Variants in PLAGL1 observed in about 807,000 individuals in gnomAD.
PLAGL1 encodes the protein PLAG1 like zinc finger 1, also known as zinc finger protein PLAGL1.
PLAGL1 carries 1 observed loss-of-function variant against 4.6 expected under a neutral mutation model. That is an observed-to-expected ratio of 0.22 (90% CI 0.08 to 1.03). The LOEUF is 1.03. Ranked by LOEUF, PLAGL1 falls within the 50% of genes least tolerant of loss-of-function variation. The pLI, the probability that PLAGL1 is intolerant of heterozygous loss-of-function variation, is 0.58. For missense variants in PLAGL1, 464 were observed against 570.4 expected (o/e 0.81, Z 1.90); for synonymous variants, 240 against 237.8 (o/e 1.01, Z -0.08).
In PLAGL1 at chr6:144,050,161, G is replaced by GT. The variant is rs1403000620; in HGVS notation, c.-151+14306dup. 6.6e-6 allele frequency among the ~76,000 whole-genome samples: 1 copy of GT among 152,158 alleles called. No individual in the cohort carries two copies. The highest frequency in any genetic ancestry group is 1.5e-5 in the Non-Finnish European group (1 of 68,034). On this transcript the variant is annotated intron_variant, in intron 1 of 3. Coordinates refer to the PLAGL1 transcript ENST00000437412. The surrounding 1 kb of genome is among the most constrained non-coding windows in gnomAD (Gnocchi z 4.3). ...CTCAAAATATTTATGTGTCTGGTGA[G>GT]TTTTGAGGGAAATTGAGACCACCTA...
intron 1 of PLAGL1, among the ~76,000 whole-genome samples, chr6:144,051,737 A>G (rs1400734083): frequency 6.6e-6 from 1 of 152,204 alleles, no homozygotes; most frequent in Non-Finnish European, 1.5e-5. Context: ...CATGTCTTAC[A>G]TGAATGGTGG....
In PLAGL1 at chr6:143,959,815, A is replaced by G. The variant is rs3819813; in HGVS notation, c.-325+654T>C. On this transcript the variant is annotated intron_variant, in intron 6 of 7. Coordinates refer to ENST00000674357, the MANE Select transcript of PLAGL1 (RefSeq NM_001317162.2). The surrounding 1 kb of genome is among the most constrained non-coding windows in gnomAD (Gnocchi z 5.3). ...GAGTGCCCCAAAGGCATTAGCTTCT[A>G]TTAATATCATTACTGGTGATGATGA... is the stretch of plus-strand genomic sequence containing the variant. Among the ~76,000 whole-genome samples the G allele has an allele frequency of 2.2e-4, 34 of 152,362 alleles. No homozygotes were observed. The East Asian group carries it at 6.0e-3, about 27-fold the overall frequency.
At chr6:144,007,178 A>G (rs1794407287) in intron 1 of PLAGL1, 1 of 152,248 alleles carries the variant, frequency 6.6e-6, no homozygotes, top group East Asian at 1.9e-4. Context: ...AGCGTGAAAC[A>G]TCAGAGAACA....
intron 2 of PLAGL1, among the ~76,000 whole-genome samples, chr6:143,977,176 CATT>C (rs1375791133): frequency 1.3e-5 from 2 of 149,030 alleles, no homozygotes; most frequent in African/African-American, 2.4e-5. Context: ...ATTGACACAT[CATT>C]ATCACCCAGA....
At chr6:144,051,630 T>C (rs923707628) in intron 1 of PLAGL1, among the ~76,000 whole-genome samples, 1 of 152,228 alleles carries the variant, frequency 6.6e-6, no homozygotes, top group Admixed American at 6.5e-5. Context: ...ATAACTATGA[T>C]AGATAAGACT....
At chr6:143,996,890 T>C (rs879354730) in intron 1 of PLAGL1, among the ~76,000 whole-genome samples, 2 of 152,202 alleles carry the variant, frequency 1.3e-5, no homozygotes, top group Non-Finnish European at 2.9e-5. Flanking sequence ...TAATTTGAGA[T>C]AGATGATGGA....
chr6:143,949,175 C>G lies in PLAGL1; in HGVS notation c.-324-715G>C, dbSNP rs1464315580. Among the ~76,000 whole-genome samples the G allele has an allele frequency of 1.3e-5, 2 of 152,186 alleles. No individual in the cohort carries two copies. The highest frequency in any genetic ancestry group is 4.8e-5 in the African/African-American group (2 of 41,442). On this transcript the variant is annotated intron_variant, in intron 6 of 7. Coordinates refer to ENST00000674357, the MANE Select transcript of PLAGL1 (RefSeq NM_001317162.2). This position sits in a 1 kb window ranked among gnomAD's most constrained non-coding sequence, Gnocchi z 5.3. ...TTGTTTATGGACCTTTCTTCATTCC[C>G]TGGCCCTACCCTGGAGGGCCCATCC... is the stretch of plus-strand genomic sequence containing the variant.
At position 143,954,861 on chromosome 6, in the gene PLAGL1, T is replaced by G. The variant is rs1163985654; in HGVS notation, c.-325+5608A>C. Among the ~76,000 whole-genome samples the G allele has an allele frequency of 2.0e-5, 3 of 152,220 alleles. No individual in the cohort carries two copies. On this transcript the variant is annotated intron_variant, in intron 6 of 7. Coordinates refer to ENST00000674357, the MANE Select transcript of PLAGL1 (RefSeq NM_001317162.2). This position sits in a 1 kb window ranked among gnomAD's most constrained non-coding sequence, Gnocchi z 5.1. ...AAGATTAGAAAGCCTGGCAAGGTGTTTGATTATAAAAATCAAACTACACAA... is the reference window on the plus strand; with the variant it reads ...AAGATTAGAAAGCCTGGCAAGGTGTGTGATTATAAAAATCAAACTACACAA...
At position 144,027,231 on chromosome 6, in the gene PLAGL1, G is replaced by GAAAGAAAGAA. The variant is rs1264032689; in HGVS notation, c.-151+37236_-151+37237insTTCTTTCTTT. Among the ~76,000 whole-genome samples the GAAAGAAAGAA allele has an allele frequency of 3.8e-3, 347 of 91,776 alleles. 11 individuals carry two copies. The highest frequency in any genetic ancestry group is 0.018 in the African/African-American group (325 of 17,670). The allele number at this position is 91,776 out of a possible 152,430, so 60.2% of individuals were successfully genotyped here. ...AGAGAAAGACCCCAACTCAAAGAAC[G>GAAAGAAAGAA]AACGAAAGAAAGAAAGAAAGAAAGA... On this transcript the variant is annotated intron_variant, in intron 1 of 3. Transcript: ENST00000437412. This position sits in a 1 kb window ranked among gnomAD's most constrained non-coding sequence, Gnocchi z 5.8.
At chr6:144,047,336 C>G (rs2128721894) in intron 1 of PLAGL1, among the ~76,000 whole-genome samples, 1 of 152,306 alleles carries the variant, frequency 6.6e-6, no homozygotes, top group East Asian at 1.9e-4. Flanking sequence ...TTGGAGCGGA[C>G]CATTATTCCA....
rs1799385170 is a variant in PLAGL1, at chr6:144,061,338, CAGG to C, written c.-151+3127_-151+3129del. Among the ~76,000 whole-genome samples, 3 of 152,176 alleles carry C rather than the reference CAGG, an allele frequency of 2.0e-5. No homozygotes were observed. The highest frequency in any genetic ancestry group is 4.4e-5 in the Non-Finnish European group (3 of 68,030). On this transcript the variant is annotated intron_variant, in intron 1 of 3. Coordinates refer to the PLAGL1 transcript ENST00000437412. This position sits in a 1 kb window ranked among gnomAD's most constrained non-coding sequence, Gnocchi z 4.4. ...TTCCAATTTCTTTCTACAACTGGAA[CAGG>C]ACAGTCTATCTGTGCAACCTACCAA... is the stretch of plus-strand genomic sequence containing the variant.
intron 1 of PLAGL1, among the ~76,000 whole-genome samples, chr6:144,023,166 A>C (rs949385888): frequency 3.9e-5 from 6 of 152,234 alleles, no homozygotes; most frequent in African/African-American, 1.4e-4. Flanking sequence ...CCATTCACAT[A>C]ATATTTTGAA....
intron 1 of PLAGL1, among the ~76,000 whole-genome samples, chr6:144,044,506 C>A (rs1797977170): frequency 6.6e-6 from 1 of 152,118 alleles, no homozygotes; most frequent in African/African-American, 2.4e-5. Context: ...GTTTCTTAAT[C>A]CTGAGTTCTA....
In PLAGL1 at chr6:143,963,732, A is replaced by G. The variant is rs1453599339; in HGVS notation, c.-399+1055T>C. 6.6e-6 allele frequency among the ~76,000 whole-genome samples: 1 copy of G among 152,134 alleles called. No individual in the cohort carries two copies. The highest frequency in any genetic ancestry group is 2.4e-5 in the African/African-American group (1 of 41,416). The stretch of plus-strand genomic sequence containing the variant: ...TTGTTCTCAGAGATTAAGCTTTACA[A>G]CTTTATTGTCTCTCAAATCTATTTC... On this transcript the variant is annotated intron_variant, in intron 5 of 7. Transcript: ENST00000674357. The surrounding 1 kb of genome is among the most constrained non-coding windows in gnomAD (Gnocchi z 6.1).
At position 143,945,506 on chromosome 6, in the gene PLAGL1, C is replaced by G. The variant is rs1779556227; in HGVS notation, c.152+2479G>C. Among the ~76,000 whole-genome samples, 1 of 152,106 alleles carries G rather than the reference C, an allele frequency of 6.6e-6. No individual in the cohort carries two copies. Among genetic ancestry groups the G allele is most frequent in the African/African-American group, 2.4e-5 (1 of 41,418 alleles). On this transcript the variant is annotated intron_variant, in intron 7 of 7. Transcript: ENST00000674357. This position sits in a 1 kb window ranked among gnomAD's most constrained non-coding sequence, Gnocchi z 4.2. ...ATCATCCTTTTTTTGAGATGCAGTC[C>G]CACCCTGTCACCAGGCTGAAGTGCA...
intron 6 of PLAGL1, among the ~76,000 whole-genome samples, chr6:143,956,158 AT>A (rs1782079111): frequency 1.3e-5 from 2 of 152,344 alleles, no homozygotes; most frequent in Admixed American, 1.3e-4. Flanking sequence ...GTGGCCTCAT[AT>A]CCTGTCAGTG....
chr6:144,036,232 G>A lies in PLAGL1; in HGVS notation c.-151+28236C>T, dbSNP rs1025811021. 1.3e-5 allele frequency among the ~76,000 whole-genome samples: 2 copies of A among 152,136 alleles called. No individual in the cohort carries two copies. The highest frequency in any genetic ancestry group is 4.8e-5 in the African/African-American group (2 of 41,436). ...TGACAACCACTTCCTCTGACTCTAA[G>A]AACAGTCCATTTAGGCTATTTCATC... On this transcript the variant is annotated intron_variant, in intron 1 of 3. Coordinates refer to the PLAGL1 transcript ENST00000437412. This position sits in a 1 kb window ranked among gnomAD's most constrained non-coding sequence, Gnocchi z 5.1.
chr6:144,044,319 C>G (rs1487669117), intron 1 of PLAGL1, among the ~76,000 whole-genome samples: 1 of 152,170 alleles, frequency 6.6e-6, no homozygotes, highest in Non-Finnish European at 1.5e-5. Context: ...GCATTTAGCG[C>G]TATAAATTTC....
Position 144,013,842 on chromosome 6 carries a change from G to T in PLAGL1, c.-150-44864C>A, listed in dbSNP as rs1402858804. Among the ~76,000 whole-genome samples, 2 of 152,210 alleles carry T rather than the reference G, an allele frequency of 1.3e-5. No individual in the cohort carries two copies. Among genetic ancestry groups the T allele is most frequent in the Non-Finnish European group, 2.9e-5 (2 of 68,038 alleles). On this transcript the variant is annotated intron_variant, in intron 1 of 3. Coordinates refer to the PLAGL1 transcript ENST00000437412. This position sits in a 1 kb window ranked among gnomAD's most constrained non-coding sequence, Gnocchi z 4.4. ...ACTGAAGGTGGTCTCCTCATTTCAA[G>T]ATCCGTAACTTAAGTCACATCTGCA...
Sources: allele counts gnomAD v4.1 joint callset (sites outside exome capture counted in the v4.1 genomes callset), GRCh38; gene constraint gnomAD v4.1.1; non-coding constraint Gnocchi (gnomAD v3.1); transcripts MANE v1.5; gene names NCBI Gene and HGNC (gene_info 2026-07-23, HGNC 2026-07-21).